Variants in SPATC1 observed in about 807,000 individuals in gnomAD.
SPATC1 encodes spermatogenesis and centriole associated 1.
Under a neutral mutation model 36.5 loss-of-function variants are expected in SPATC1, and 35 were observed. The ratio of observed to expected loss-of-function variants is 0.96; its 90% confidence interval spans 0.73 to 1.27. The LOEUF is 1.27. SPATC1 is among the 50% of genes most tolerant of loss of function. SPATC1 has a pLI of 0.00. For synonymous variants in SPATC1, 361 were observed against 353.6 expected (o/e 1.02, Z -0.24); for missense variants, 779 against 796.0 (o/e 0.98, Z 0.26).
In SPATC1 at chr8:144,043,368, G is replaced by A. The variant is rs572247317; in HGVS notation, c.1446+1997G>A. 7.2e-4 allele frequency among the ~76,000 whole-genome samples: 109 copies of A among 150,838 alleles called. 1 individual carries two copies. Among genetic ancestry groups the A allele is most frequent in the African/African-American group, 2.3e-3 (94 of 40,964 alleles). On this transcript the variant is annotated intron_variant, in intron 4 of 4. Coordinates refer to ENST00000377470, the MANE Select transcript of SPATC1 (RefSeq NM_198572.3). Reference sequence around the variant, plus strand: ...CAGATCTTGGCTCACTGCAACCTCCGTCTCCCAAGTTCAAGCGATTCTCCT... The same window carrying A: ...CAGATCTTGGCTCACTGCAACCTCCATCTCCCAAGTTCAAGCGATTCTCCT...
At chr8:144,044,521 G>T (rs1835207552) in intron 4 of SPATC1, among the ~76,000 whole-genome samples, 1 of 150,140 alleles carries the variant, frequency 6.7e-6, no homozygotes, top group South Asian at 2.1e-4. Context: ...TGTTCGCCAG[G>T]ATGGTCTTGA....
intron 4 of SPATC1, 79 bp downstream of exon 4, chr8:144,041,450 G>A: frequency 2.6e-6 from 4 of 1,541,694 alleles, no homozygotes; most frequent in Non-Finnish European, 3.5e-6. Context: ...CTCTGGCCAG[G>A]CCAAACTTGC....
intron 1 of SPATC1, among the ~76,000 whole-genome samples, chr8:144,034,112 C>A (rs1295117124): frequency 1.3e-5 from 2 of 152,246 alleles, no homozygotes; most frequent in African/African-American, 4.8e-5. Context: ...GTTTACAGGG[C>A]CCTGCCCAGT....
intron 1 of SPATC1, among the ~76,000 whole-genome samples, chr8:144,034,708 G>A (rs983488123): frequency 4.6e-5 from 7 of 151,946 alleles, no homozygotes; most frequent in African/African-American, 1.7e-4. Flanking sequence ...TGCAACCTCC[G>A]AGTCCAGGGT....
rs1368492618 is a variant in SPATC1, at chr8:144,046,235, A to T, written c.1447-392A>T. On this transcript the variant is annotated intron_variant, in intron 4 of 4. Coordinates refer to ENST00000377470, the MANE Select transcript of SPATC1 (RefSeq NM_198572.3). The surrounding 1 kb of genome is among the most constrained non-coding windows in gnomAD (Gnocchi z 6.6). ...CAGGAGGAGGCCTGGGAAAGACCCC[A>T]GACTCCTGGGTCAGGGGACCCTGTG... is the stretch of plus-strand genomic sequence containing the variant. 2.0e-5 allele frequency among the ~76,000 whole-genome samples: 3 copies of T among 152,120 alleles called. No individual in the cohort carries two copies. Among genetic ancestry groups the T allele is most frequent in the South Asian group, 4.1e-4 (2 of 4,834 alleles).
intron 1 of SPATC1, among the ~76,000 whole-genome samples, chr8:144,038,997 C>T (rs1306318952): frequency 3.3e-5 from 5 of 152,170 alleles, no homozygotes; most frequent in South Asian, 2.1e-4. Context: ...CAAGGCAACA[C>T]GCAGCTCCTC....
intron 1 of SPATC1, among the ~76,000 whole-genome samples, chr8:144,025,443 C>A (rs1385561572): frequency 6.6e-6 from 1 of 152,194 alleles, no homozygotes; most frequent in Non-Finnish European, 1.5e-5. Context: ...AATCTGAAGT[C>A]CTCTTCAATG....
intron 1 of SPATC1, among the ~76,000 whole-genome samples, chr8:144,037,846 T>C (rs1554755050): frequency 6.6e-6 from 1 of 151,700 alleles, no homozygotes; most frequent in African/African-American, 2.4e-5. Context: ...AAGAATGAAT[T>C]TTGGCCGGGC....
chr8:144,034,124 G>A (rs1350753018), intron 1 of SPATC1, among the ~76,000 whole-genome samples: 6 of 152,246 alleles, frequency 3.9e-5, no homozygotes, highest in Admixed American at 3.9e-4. Context: ...CTGCCCAGTT[G>A]ACCACAAAGG....
intron 4 of SPATC1, chr8:144,042,189 G>GTGGCGTGA (rs1554756199): frequency 1.0e-5 from 2 of 193,530 alleles, no homozygotes; most frequent in African/African-American, 4.9e-5. Context: ...CTGGAGTACA[G>GTGGCGTGA]TGGCGTGATC....
chr8:144,026,708 C>T (rs919062818), intron 1 of SPATC1, among the ~76,000 whole-genome samples: 3 of 151,900 alleles, frequency 2.0e-5, no homozygotes, highest in Non-Finnish European at 4.4e-5. Context: ...ACTAATGATG[C>T]TGAGCTTCTT....
At chr8:144,026,494 A>C (rs1373033546) in intron 1 of SPATC1, among the ~76,000 whole-genome samples, 2 of 152,040 alleles carry the variant, frequency 1.3e-5, no homozygotes, top group Admixed American at 1.3e-4. Context: ...TCATATGGTA[A>C]CTCTATGTTC....
intron 4 of SPATC1, among the ~76,000 whole-genome samples, chr8:144,041,665 C>A (rs1461349137): frequency 1.3e-5 from 2 of 152,208 alleles, no homozygotes; most frequent in African/African-American, 4.8e-5. Context: ...GCTTTGCCAG[C>A]ATGCCGGAGT....
chr8:144,015,087 T>C (rs1300393754), intron 1 of SPATC1, among the ~76,000 whole-genome samples: 1 of 152,080 alleles, frequency 6.6e-6, no homozygotes, highest in African/African-American at 2.4e-5. Context: ...TCACCCAGGC[T>C]GGAGTGCAGT....
intron 4 of SPATC1, among the ~76,000 whole-genome samples, chr8:144,042,284 AATATATAT>A (rs1554756220): frequency 5.8e-4 from 21 of 36,302 alleles, no homozygotes; most frequent in East Asian, 2.6e-3. Context: ...ACGCCCAGCT[AATATATAT>A]ATATATATAT....
At position 144,016,482 on chromosome 8, in the gene SPATC1, T is replaced by C. The variant is rs1470482205; in HGVS notation, c.211+3756T>C. The stretch of plus-strand genomic sequence containing the variant: ...ATGGTGTGTGTGTGGTGTGTTCATG[T>C]GTGACAGGGGCCAGGGAGAGGTGAA... On this transcript the variant is annotated intron_variant, in intron 1 of 4. Transcript: ENST00000377470. This position sits in a 1 kb window ranked among gnomAD's most constrained non-coding sequence, Gnocchi z 4.5. 6.6e-6 allele frequency among the ~76,000 whole-genome samples: 1 copy of C among 152,050 alleles called. No homozygotes were observed. Among genetic ancestry groups the C allele is most frequent in the African/African-American group, 2.4e-5 (1 of 41,370 alleles).
Position 144,046,307 on chromosome 8 carries a change from C to T in SPATC1, c.1447-320C>T, listed in dbSNP as rs1473267739. Among the ~76,000 whole-genome samples, 4 of 152,184 alleles carry T rather than the reference C, an allele frequency of 2.6e-5. No homozygotes were observed. The highest frequency in any genetic ancestry group is 9.7e-5 in the African/African-American group (4 of 41,438). Reference sequence around the variant, plus strand: ...GCCCCCTGCCCTCAGTCCCTGGAGGCCTCAGCCCAGTTGCACTCCCTGGTG... The same window carrying T: ...GCCCCCTGCCCTCAGTCCCTGGAGGTCTCAGCCCAGTTGCACTCCCTGGTG... On this transcript the variant is annotated intron_variant, in intron 4 of 4. Transcript: ENST00000377470. This position sits in a 1 kb window ranked among gnomAD's most constrained non-coding sequence, Gnocchi z 6.6.
intron 1 of SPATC1, among the ~76,000 whole-genome samples, chr8:144,035,136 CT>C (rs1273322104): frequency 6.6e-6 from 1 of 152,144 alleles, no homozygotes; most frequent in Non-Finnish European, 1.5e-5. Context: ...CAGGATGGGT[CT>C]TTCTGAGGCC....
rs1268223266 is a variant in SPATC1 at position 144,016,250 on chromosome 8, T to C, written c.211+3524T>C. 6.6e-6 allele frequency among the ~76,000 whole-genome samples: 1 copy of C among 151,962 alleles called. No homozygotes were observed. Among genetic ancestry groups the C allele is most frequent in the Non-Finnish European group, 1.5e-5 (1 of 67,964 alleles). On this transcript the variant is annotated intron_variant, in intron 1 of 4. Transcript: ENST00000377470. The surrounding 1 kb of genome is among the most constrained non-coding windows in gnomAD (Gnocchi z 4.5). ...CAGCCTGAGCAACAAGAGCAAGACT[T>C]CATCTCAAAAAAACAGTGCATGTGT...
Sources: allele counts gnomAD v4.1 joint callset (sites outside exome capture counted in the v4.1 genomes callset), GRCh38; gene constraint gnomAD v4.1.1; non-coding constraint Gnocchi (gnomAD v3.1); transcripts MANE v1.5; gene names NCBI Gene and HGNC (gene_info 2026-07-23, HGNC 2026-07-21).